Variants in RAPGEF2 observed in about 807,000 individuals in gnomAD.
RAPGEF2 encodes PDZ domain containing guanine nucleotide exchange factor (GEF) 1.
Under a neutral mutation model 186.7 loss-of-function variants are expected in RAPGEF2, and 54 were observed. The observed-to-expected ratio is 0.29, with a 90% confidence interval of 0.23 to 0.36. The LOEUF is 0.36. Ranked by LOEUF, RAPGEF2 falls within the 10% of genes least tolerant of loss-of-function variation. The probability of loss-of-function intolerance (pLI) is 1.00; values close to 1 mark genes in which losing one functional copy is unlikely to be tolerated. For missense variants in RAPGEF2, 1,532 were observed against 2,045.0 expected (o/e 0.75, Z 4.84); for synonymous variants, 712 against 705.9 (o/e 1.01, Z -0.14).
intron 1 of RAPGEF2, among the ~76,000 whole-genome samples, chr4:159,126,504 C>T (rs1740310661): frequency 6.7e-6 from 1 of 150,118 alleles, no homozygotes. Context: ...TGTAAAATGT[C>T]ATTTATTCTA....
chr4:159,343,334 G>A lies in RAPGEF2; in HGVS notation c.3184G>A (p.Ala1062Thr). The change falls in exon 22 of 30, where the codon GCA becomes ACA. Residue 1062 changes from alanine to threonine, a missense_variant. By Grantham distance (58) the Ala-to-Thr change is moderately conservative (BLOSUM62 0). Around this residue, in one of 4 missense-constraint regions of RAPGEF2, gnomAD observed 117 missense variants for 180.8 expected, o/e 0.65. Coordinates refer to ENST00000691494, the MANE Select transcript of RAPGEF2 (RefSeq NM_001394067.2). ...LVNFEKLRMIAKEIRHVGRMA... is the reference protein window; with the variant it reads ...LVNFEKLRMITKEIRHVGRMA... The stretch of plus-strand genomic sequence containing the variant: ...CAATTTTGAGAAGCTAAGGATGATT[G>A]CAAAAGAAATTCGTCACGTTGGCCG... The A allele has an allele frequency of 6.2e-7, 1 of 1,614,088 alleles. No individual in the cohort carries two copies. The highest frequency in any genetic ancestry group is 8.5e-7 in the Non-Finnish European group (1 of 1,179,952).
At chr4:159,355,294 G>T (rs1731804578) in intron 28 of RAPGEF2, among the ~76,000 whole-genome samples, 1 of 152,294 alleles carries the variant, frequency 6.6e-6, no homozygotes, top group Non-Finnish European at 1.5e-5. Context: ...TTTTAAATTG[G>T]TATCCTTTGT....
chr4:159,202,635 C>G (rs990274080), intron 3 of RAPGEF2, among the ~76,000 whole-genome samples: 4 of 152,032 alleles, frequency 2.6e-5, no homozygotes, highest in African/African-American at 9.7e-5. Flanking sequence ...GAGTTTTGCT[C>G]TTGTTGCCCA....
At chr4:159,250,847 C>T (rs969641710) in intron 7 of RAPGEF2, among the ~76,000 whole-genome samples, 1 of 152,122 alleles carries the variant, frequency 6.6e-6, no homozygotes, top group Non-Finnish European at 1.5e-5. Context: ...TTCAGACCGC[C>T]ACTGCGCTAT....
At chr4:159,222,699 G>T (rs1751655079) in intron 4 of RAPGEF2, among the ~76,000 whole-genome samples, 1 of 152,244 alleles carries the variant, frequency 6.6e-6, no homozygotes, top group South Asian at 2.1e-4. Flanking sequence ...TGAATTCAGG[G>T]TGTATCTTAA....
At chr4:159,248,995 T>A (rs1754980780) in intron 7 of RAPGEF2, among the ~76,000 whole-genome samples, 1 of 152,196 alleles carries the variant, frequency 6.6e-6, no homozygotes, top group Non-Finnish European at 1.5e-5. Context: ...GGACCCATCT[T>A]TTGGTTGCAC....
At chr4:159,261,635 C>G (rs889056604) in intron 7 of RAPGEF2, among the ~76,000 whole-genome samples, 1 of 152,200 alleles carries the variant, frequency 6.6e-6, no homozygotes, top group African/African-American at 2.4e-5. Flanking sequence ...CTTTCCTAAA[C>G]CAGTTACTGC....
At chr4:159,310,294 A>C (rs1763810227) in intron 8 of RAPGEF2, among the ~76,000 whole-genome samples, 1 of 152,162 alleles carries the variant, frequency 6.6e-6, no homozygotes, top group South Asian at 2.1e-4. Context: ...GTAGGATTGT[A>C]ATTTTGGGGA....
chr4:159,296,128 A>C (rs1011561404), intron 7 of RAPGEF2, among the ~76,000 whole-genome samples: 2 of 152,308 alleles, frequency 1.3e-5, no homozygotes, highest in Non-Finnish European at 2.9e-5. Flanking sequence ...TTAATTTATA[A>C]AGCAAAAAGT....
At chr4:159,106,094 G>A (rs903331092) in intron 1 of RAPGEF2, among the ~76,000 whole-genome samples, 19 of 152,216 alleles carry the variant, frequency 1.2e-4, no homozygotes, top group African/African-American at 4.1e-4. Flanking sequence ...GTAGAATAGA[G>A]TAAAAACTGA....
intron 14 of RAPGEF2, 30 bp downstream of exon 14, chr4:159,331,568 CT>C: frequency 6.2e-7 from 1 of 1,609,856 alleles, no homozygotes; most frequent in South Asian, 1.1e-5. Context: ...TTAAGATCAG[CT>C]TAAAGTTCAT....
chr4:159,235,402 C>T (rs749435221), intron 4 of RAPGEF2, among the ~76,000 whole-genome samples: 4 of 152,188 alleles, frequency 2.6e-5, no homozygotes, highest in Non-Finnish European at 4.4e-5. Flanking sequence ...ATGCTCTGTG[C>T]ATTTGATCAC....
At chr4:159,156,753 C>G (rs1350441995) in intron 1 of RAPGEF2, among the ~76,000 whole-genome samples, 2 of 152,096 alleles carry the variant, frequency 1.3e-5, no homozygotes, top group East Asian at 3.9e-4. Flanking sequence ...GGTTTTCTGT[C>G]CTTGTGATAG....
intron 23 of RAPGEF2, 71 bp from the exon 24 acceptor site, chr4:159,345,035 T>C: frequency 1.5e-6 from 2 of 1,294,518 alleles, no homozygotes; most frequent in Non-Finnish European, 2.2e-6. Context: ...AATATCAGTC[T>C]TGGCACATTT....
intron 1 of RAPGEF2, among the ~76,000 whole-genome samples, chr4:159,141,218 C>G (rs1742288842): frequency 6.6e-6 from 1 of 152,192 alleles, no homozygotes; most frequent in Non-Finnish European, 1.5e-5. Flanking sequence ...TTTTTATATA[C>G]TTGAATAAAA....
intron 1 of RAPGEF2, among the ~76,000 whole-genome samples, chr4:159,182,038 T>G (rs1251477747): frequency 6.6e-6 from 1 of 152,218 alleles, no homozygotes; most frequent in African/African-American, 2.4e-5. Context: ...GAGGGGTTTA[T>G]TAGATTTAGG....
intron 1 of RAPGEF2, among the ~76,000 whole-genome samples, chr4:159,140,944 G>A (rs535084207): frequency 1.3e-5 from 2 of 151,510 alleles, no homozygotes; most frequent in Admixed American, 6.6e-5. Flanking sequence ...TGATTCTCCT[G>A]CCTCGGCCTT....
chr4:159,253,782 T>TA (rs1341878060), intron 7 of RAPGEF2, among the ~76,000 whole-genome samples: 1 of 152,008 alleles, frequency 6.6e-6, no homozygotes, highest in Non-Finnish European at 1.5e-5. Context: ...TCCTGGCTAA[T>TA]ACGGTGAAAC....
intron 4 of RAPGEF2, among the ~76,000 whole-genome samples, chr4:159,233,926 A>G (rs184626148): frequency 2.4e-3 from 340 of 140,300 alleles, no homozygotes; most frequent in African/African-American, 7.8e-3. Context: ...CTTTGTAGTA[A>G]GTTTTGAAAT....
Sources: gnomAD v4.1 joint callset for allele counts (sites outside exome capture counted in the v4.1 genomes callset) on GRCh38, gnomAD v4.1.1 for gene constraint, gnomAD v4.1.1 regional missense constraint, MANE v1.5 for transcripts, NCBI Gene and HGNC (gene_info 2026-07-23, HGNC 2026-07-21) for gene names.